Variants in IMPG1 observed in about 807,000 individuals in gnomAD.
IMPG1 encodes interphotoreceptor matrix proteoglycan of 150 kDa.
IMPG1 carries 85 observed loss-of-function variants against 92.0 expected under a neutral mutation model. The observed-to-expected ratio is 0.92, with a 90% CI of 0.78 to 1.11. IMPG1 has a LOEUF of 1.11. IMPG1 is among the 50% of genes least tolerant of loss of function. IMPG1 has a pLI of 0.00. For missense variants in IMPG1, 1,022 were observed against 956.0 expected (o/e 1.07, Z -0.91); for synonymous variants, 367 against 334.1 (o/e 1.10, Z -1.08).
At chr6:76,067,012 A>G (rs1297333673) in intron 1 of IMPG1, among the ~76,000 whole-genome samples, 3 of 151,976 alleles carry the variant, frequency 2.0e-5, no homozygotes, top group Non-Finnish European at 4.4e-5. Flanking sequence ...AAATAGAGAC[A>G]CAACATACCT....
intron 12 of IMPG1, among the ~76,000 whole-genome samples, chr6:76,002,265 G>C (rs890543885): frequency 1.3e-5 from 2 of 152,118 alleles, no homozygotes; most frequent in Non-Finnish European, 2.9e-5. Flanking sequence ...AAGATTTTTA[G>C]TTGTTTTCTT....
At chr6:75,984,566 G>A (rs866142493) in intron 12 of IMPG1, among the ~76,000 whole-genome samples, 1 of 152,262 alleles carries the variant, frequency 6.6e-6, no homozygotes, top group Middle Eastern at 3.4e-3. Flanking sequence ...TAAATGATAA[G>A]TATGCAAAAT....
intron 14 of IMPG1, among the ~76,000 whole-genome samples, chr6:75,937,510 T>C (rs1781766215): frequency 6.6e-6 from 1 of 152,190 alleles, no homozygotes; most frequent in Non-Finnish European, 1.5e-5. Flanking sequence ...CAGCGTTTGG[T>C]AATAGTTTGA....
At chr6:76,025,357 G>A in intron 4 of IMPG1, 99 bp from the exon 5 acceptor site, 1 of 557,670 alleles carries the variant, frequency 1.8e-6, no homozygotes. Context: ...AAACCTAAAA[G>A]TTATAGGAAA....
chr6:75,945,087 A>G (rs1441285714), intron 14 of IMPG1, among the ~76,000 whole-genome samples: 1 of 152,246 alleles, frequency 6.6e-6, no homozygotes, highest in Admixed American at 6.5e-5. Flanking sequence ...GCTGCATAGC[A>G]GAACTATTCA....
chr6:76,042,401 A>T (rs1239787530), intron 1 of IMPG1, among the ~76,000 whole-genome samples: 1 of 152,012 alleles, frequency 6.6e-6, no homozygotes, highest in African/African-American at 2.4e-5. Flanking sequence ...CATTTCCCAC[A>T]CATCTTTCTA....
At chr6:75,976,430 C>T (rs376054391) in intron 12 of IMPG1, among the ~76,000 whole-genome samples, 330 of 152,226 alleles carry the variant, frequency 2.2e-3, no homozygotes, top group African/African-American at 4.7e-3. Flanking sequence ...GATGTGGTGG[C>T]GCATGCCTGT....
At chr6:76,007,345 A>G (rs1421929771) in intron 9 of IMPG1, 135 bp downstream of exon 9, 1 of 625,376 alleles carries the variant, frequency 1.6e-6, no homozygotes, top group Non-Finnish European at 2.7e-6. Context: ...AATTACTTCC[A>G]TTTAAATAAG....
intron 2 of IMPG1, among the ~76,000 whole-genome samples, chr6:76,040,650 T>G (rs1482028208): frequency 6.6e-6 from 1 of 152,224 alleles, no homozygotes; most frequent in Non-Finnish European, 1.5e-5. Flanking sequence ...TCTTTCAGAC[T>G]GTGATCCAGT....
chr6:75,971,786 G>A (rs1217411743), intron 12 of IMPG1, among the ~76,000 whole-genome samples: 2 of 152,066 alleles, frequency 1.3e-5, no homozygotes. Context: ...TTACAGTAGT[G>A]CAAATTATTC....
At chr6:75,985,769 A>C (rs1292357312) in intron 12 of IMPG1, among the ~76,000 whole-genome samples, 2 of 152,210 alleles carry the variant, frequency 1.3e-5, no homozygotes, top group African/African-American at 4.8e-5. Context: ...GTGCTGAGCC[A>C]TACTGAATTC....
intron 1 of IMPG1, among the ~76,000 whole-genome samples, chr6:76,050,329 G>A (rs1266175191): frequency 6.6e-6 from 1 of 152,106 alleles, no homozygotes; most frequent in Non-Finnish European, 1.5e-5. Flanking sequence ...TGTAATCCCA[G>A]CTACTTGGGA....
At chr6:75,999,031 A>C (rs1186354460) in intron 12 of IMPG1, among the ~76,000 whole-genome samples, 1 of 152,096 alleles carries the variant, frequency 6.6e-6, no homozygotes, top group East Asian at 1.9e-4. Context: ...TTATTTTTGT[A>C]TTTTTAGTAG....
chr6:76,067,893 C>T (rs1784339525), intron 1 of IMPG1, among the ~76,000 whole-genome samples: 1 of 152,046 alleles, frequency 6.6e-6, no homozygotes, highest in East Asian at 1.9e-4. Context: ...ATATACAAAT[C>T]AATAAATGTG....
intron 4 of IMPG1, among the ~76,000 whole-genome samples, chr6:76,027,372 A>T (rs751653040): frequency 1.1e-4 from 17 of 152,246 alleles, no homozygotes; most frequent in Non-Finnish European, 2.4e-4. Flanking sequence ...TGCAGTCAGC[A>T]CACAATTAAA....
chr6:76,064,467 A>C (rs1355080227), intron 1 of IMPG1, among the ~76,000 whole-genome samples: 2 of 151,636 alleles, frequency 1.3e-5, no homozygotes, highest in African/African-American at 4.8e-5. Flanking sequence ...TGGGCCAGGA[A>C]TATGACAGGG....
chr6:76,063,959 T>A (rs1349788128), intron 1 of IMPG1, among the ~76,000 whole-genome samples: 1 of 152,052 alleles, frequency 6.6e-6, no homozygotes, highest in Non-Finnish European at 1.5e-5. Flanking sequence ...GATGTGGGTG[T>A]TGTGTTCAGC....
intron 14 of IMPG1, among the ~76,000 whole-genome samples, chr6:75,941,211 G>A (rs1445588955): frequency 6.6e-6 from 1 of 152,182 alleles, no homozygotes; most frequent in African/African-American, 2.4e-5. Flanking sequence ...GAGTGAACAG[G>A]TACCCAAATC....
chr6:75,951,927 G>C (rs1197056585), intron 12 of IMPG1, among the ~76,000 whole-genome samples: 1 of 136,626 alleles, frequency 7.3e-6, no homozygotes, highest in Non-Finnish European at 1.5e-5. Flanking sequence ...GGGTGACAGA[G>C]TGAGACTCTG....
Sources: allele counts gnomAD v4.1 joint callset (sites outside exome capture counted in the v4.1 genomes callset), GRCh38; gene constraint gnomAD v4.1.1; transcripts MANE v1.5; gene names NCBI Gene and HGNC (gene_info 2026-07-23, HGNC 2026-07-21).